The following ALMS1 variants were observed in gnomAD, a reference collection of about 807,000 sequenced individuals.
ALMS1 encodes centrosome-associated protein ALMS1.
ALMS1 carries 271 observed loss-of-function variants against 352.2 expected under a neutral mutation model. The observed-to-expected ratio is 0.77, with a 90% CI of 0.70 to 0.85. The LOEUF is 0.85. Among genes scored for constraint, ALMS1 ranks in the 40% least tolerant of loss-of-function variants. The pLI is 0.00. For missense variants in ALMS1, 5,445 were observed against 4,870.7 expected (o/e 1.12, Z -3.51); for synonymous variants, 1,865 against 1,761.2 (o/e 1.06, Z -1.48).
Position 73,489,729 on chromosome 2 carries a change from A to G in ALMS1, c.7770A>G (p.Leu2590=), listed in dbSNP as rs753477646. Residue 2590 remains leucine (L), a synonymous_variant, in exon 10 of 23, where the codon CTA becomes CTG. Transcript: ENST00000613296. ...ESHEKGCFRT[L]TSEHPQLDRH... Reference sequence around the variant, plus strand: ...ATGAAAAGGGATGTTTCCGGACTCTAACTTCTGAACATCCACAACTAGATA... The same window carrying G: ...ATGAAAAGGGATGTTTCCGGACTCTGACTTCTGAACATCCACAACTAGATA... The G allele has an allele frequency of 2.5e-6, 4 of 1,614,158 alleles. No homozygotes were observed. Among genetic ancestry groups the G allele is most frequent in the Non-Finnish European group, 1.7e-6 (2 of 1,180,030 alleles).
At chr2:73,511,485 C>T (rs966971419) in intron 10 of ALMS1, among the ~76,000 whole-genome samples, 1 of 152,164 alleles carries the variant, frequency 6.6e-6, no homozygotes, top group African/African-American at 2.4e-5. Flanking sequence ...TGCTCACCCT[C>T]TGTGGGCTGC....
At chr2:73,578,020 GA>G (rs2104120569) in intron 16 of ALMS1, among the ~76,000 whole-genome samples, 1 of 152,202 alleles carries the variant, frequency 6.6e-6, no homozygotes, top group South Asian at 2.1e-4. Flanking sequence ...TTTCTCCATT[GA>G]AATCTGTCAG....
intron 15 of ALMS1, among the ~76,000 whole-genome samples, chr2:73,561,142 G>T (rs1381719553): frequency 6.6e-6 from 1 of 152,246 alleles, no homozygotes; most frequent in Non-Finnish European, 1.5e-5. Flanking sequence ...CATTATCTAG[G>T]TTTGTCTAGG....
intron 15 of ALMS1, among the ~76,000 whole-genome samples, chr2:73,567,172 G>T (rs1339210604): frequency 6.6e-6 from 1 of 152,200 alleles, no homozygotes; most frequent in African/African-American, 2.4e-5. Context: ...AGGGGTTGGG[G>T]CTGGAAGTTC....
intron 4 of ALMS1, 40 bp from the exon 5 acceptor site, chr2:73,424,390 A>G: frequency 2.3e-6 from 3 of 1,276,798 alleles, no homozygotes; most frequent in Non-Finnish European, 3.2e-6. Flanking sequence ...AAATGTTTTT[A>G]ATGTTATTTA....
chr2:73,571,730 A>T (rs561097596), intron 15 of ALMS1, among the ~76,000 whole-genome samples: 4 of 152,316 alleles, frequency 2.6e-5, no homozygotes, highest in Non-Finnish European at 4.4e-5. Context: ...ATAAAAAAAA[A>T]TTTGGAAAAA....
chr2:73,391,494 C>T (rs1202843418), intron 1 of ALMS1, among the ~76,000 whole-genome samples: 2 of 151,836 alleles, frequency 1.3e-5, no homozygotes, highest in Admixed American at 1.3e-4. Flanking sequence ...GGGGTTTCAC[C>T]GTGTTAGCCA....
chr2:73,454,205 T>A (rs1310209066), intron 8 of ALMS1, 138 bp downstream of exon 8: 11 of 1,433,934 alleles, frequency 7.7e-6, no homozygotes, highest in Non-Finnish European at 9.2e-6. Flanking sequence ...ATATTTGGAG[T>A]TCTAAATGTA....
At chr2:73,556,622 C>A (rs1674547633) in intron 13 of ALMS1, among the ~76,000 whole-genome samples, 1 of 144,792 alleles carries the variant, frequency 6.9e-6, no homozygotes, top group Non-Finnish European at 1.5e-5. Context: ...AAAAAACATA[C>A]CTGATCTTTC....
chr2:73,545,465 G>T (rs977055846), intron 12 of ALMS1, among the ~76,000 whole-genome samples: 1 of 152,140 alleles, frequency 6.6e-6, no homozygotes, highest in Non-Finnish European at 1.5e-5. Flanking sequence ...ATAGGCGTGA[G>T]CCACCGCACG....
At position 73,424,540 on chromosome 2, in the gene ALMS1, G is replaced by A. The variant is rs966793166; in HGVS notation, c.875G>A (p.Arg292His). The A allele has an allele frequency of 4.3e-6, 7 of 1,612,692 alleles. No homozygotes were observed. The highest frequency in any genetic ancestry group is 1.3e-5 in the African/African-American group (1 of 74,918). The stretch of plus-strand genomic sequence containing the variant: ...GTAGCTTCAGACTTAGCAAGCAGTC[G>A]CTTTAGTGTATCTCAGCACCCGCTT... ...AEVASDLASSRFSVSQHPLIG... is the reference protein window; with the variant it reads ...AEVASDLASSHFSVSQHPLIG... The change falls in exon 5 of 23, where the codon CGC (arginine) becomes CAC (histidine). Residue 292 changes from arginine to histidine, a missense_variant. Transcript: ENST00000613296.
At chr2:73,561,263 A>G (rs1674656486) in intron 15 of ALMS1, among the ~76,000 whole-genome samples, 1 of 152,228 alleles carries the variant, frequency 6.6e-6, no homozygotes, top group Non-Finnish European at 1.5e-5. Flanking sequence ...GAATACTTGA[A>G]GTCACTAGTT....
chr2:73,491,042 G>A lies in ALMS1; in HGVS notation c.9083G>A (p.Cys3028Tyr), dbSNP rs565501407. The change falls in exon 10 of 23, where the codon TGT (cysteine) becomes TAT (tyrosine). Residue 3028 changes from cysteine (C) to tyrosine (Y), a missense_variant. Physicochemically the swap from Cys to Tyr is radical, Grantham distance 194 (BLOSUM62 -2). Coordinates refer to ENST00000613296, the MANE Select transcript of ALMS1 (RefSeq NM_001378454.1). Reference protein sequence around the residue: ...TVVSQSAPNHCTLAASASTPP... With the variant: ...TVVSQSAPNHYTLAASASTPP... ...GTCTCCCAGTCAGCCCCAAATCACT[G>A]TACATTAGCAGCATCTGCATCTACT... 31 of 1,614,158 alleles carry A rather than the reference G, an allele frequency of 1.9e-5. 1 individual carries two copies. The South Asian group carries it at 3.2e-4, about 17-fold the overall frequency.
intron 1 of ALMS1, among the ~76,000 whole-genome samples, chr2:73,394,474 C>G (rs1413681636): frequency 6.6e-6 from 1 of 152,136 alleles, no homozygotes; most frequent in Non-Finnish European, 1.5e-5. Flanking sequence ...GCCTCAGCCT[C>G]CAGTAACTGG....
Position 73,433,661 on chromosome 2 carries a change from G to A in ALMS1, c.1432+1370G>A, listed in dbSNP as rs1671554037. Reference sequence around the variant, plus strand: ...TGTAATCTCAGTACTTTGGGAGGCTGAGGTGGGAGGATCACTTGGAAGAGT... The same window carrying A: ...TGTAATCTCAGTACTTTGGGAGGCTAAGGTGGGAGGATCACTTGGAAGAGT... On this transcript the variant is annotated intron_variant, in intron 7 of 22. Coordinates refer to ENST00000613296, the MANE Select transcript of ALMS1 (RefSeq NM_001378454.1). Among the ~76,000 whole-genome samples, 4 of 152,102 alleles carry A rather than the reference G, an allele frequency of 2.6e-5. No individual in the cohort carries two copies. In the South Asian group the frequency reaches 8.3e-4, roughly 32 times the overall value.
rs1273618684 is a variant in ALMS1, at chr2:73,450,295, T to C, written c.3768T>C (p.Asn1256=). The change falls in exon 8 of 23, where the codon AAT becomes AAC. Residue 1256 remains asparagine (N), a synonymous_variant. Transcript: ENST00000613296. Reference sequence around the variant, plus strand: ...TCTACCAACAGGTCTTGCCAGATAATCATCCAACTGAAGAGGCTCTGAAAA... The same window carrying C: ...TCTACCAACAGGTCTTGCCAGATAACCATCCAACTGAAGAGGCTCTGAAAA... ...GIFYQQVLPD[N]HPTEEALKIS... 3.1e-6 allele frequency: 5 copies of C among 1,613,346 alleles called. No individual in the cohort carries two copies. The African/African-American group carries it at 6.7e-5, about 22-fold the overall frequency.
chr2:73,453,965 G>C lies in ALMS1; in HGVS notation c.7438G>C (p.Ala2480Pro). 1 of 1,613,884 alleles carries C rather than the reference G, an allele frequency of 6.2e-7. No individual in the cohort carries two copies. The highest frequency in any genetic ancestry group is 8.5e-7 in the Non-Finnish European group (1 of 1,179,952). ...TGGTGGTAGCAGTGTAGATTCACTG[G>C]CTGCACATGTGAAAAACCTTCTGCA... Reference protein sequence around the residue: ...DGGGSSVDSLAAHVKNLLQCE... With the variant: ...DGGGSSVDSLPAHVKNLLQCE... The change falls in exon 8 of 23, where the codon GCT (alanine) becomes CCT (proline). Residue 2480 changes from alanine to proline, a missense_variant. By Grantham distance (27) the Ala-to-Pro change is conservative. Coordinates refer to ENST00000613296, the MANE Select transcript of ALMS1 (RefSeq NM_001378454.1).
At chr2:73,488,828 A>C (rs145300351) in intron 9 of ALMS1, among the ~76,000 whole-genome samples, 1 of 152,340 alleles carries the variant, frequency 6.6e-6, no homozygotes, top group East Asian at 1.9e-4. Flanking sequence ...TCTCAAAGAA[A>C]TGTTATATTT....
intron 6 of ALMS1, among the ~76,000 whole-genome samples, chr2:73,428,008 A>G (rs756289793): frequency 1.4e-4 from 22 of 152,192 alleles, no homozygotes; most frequent in Non-Finnish European, 2.8e-4. Context: ...AGATATTATG[A>G]TGAACTTTTA....
Sources: gnomAD v4.1 joint callset for allele counts (sites outside exome capture counted in the v4.1 genomes callset) on GRCh38, gnomAD v4.1.1 for gene constraint, MANE v1.5 for transcripts, NCBI Gene and HGNC (gene_info 2026-07-23, HGNC 2026-07-21) for gene names.